STARD8: variants seen among roughly 807,000 people sequenced by gnomAD.
STARD8 encodes stAR-related lipid transfer protein 8.
STARD8 carries 25 observed loss-of-function variants against 69.4 expected under a neutral mutation model. That is an observed-to-expected ratio of 0.36 (90% confidence interval 0.26 to 0.50). STARD8 has a LOEUF of 0.50. STARD8 is among the 20% of genes least tolerant of loss of function. The pLI, the probability that STARD8 is intolerant of heterozygous loss-of-function variation, is 0.96. For synonymous variants in STARD8, 389 were observed against 374.6 expected (o/e 1.04, Z -0.45); for missense variants, 921 against 932.5 (o/e 0.99, Z 0.16).
chrX:68,694,101 C>A (rs1321633127), intron 2 of STARD8, among the ~76,000 whole-genome samples: 1 of 113,031 alleles, frequency 8.8e-6, no homozygotes, highest in Non-Finnish European at 1.9e-5. Context: ...GGCAGCTGTC[C>A]GCCTGTTACC....
rs1236442747 is a variant in STARD8, at chrX:68,652,065, C to A, written c.45+4138C>A. Among the ~76,000 whole-genome samples the A allele has an allele frequency of 7.5e-5, 8 of 106,448 alleles. No individual in the cohort carries two copies. In the East Asian group the frequency reaches 2.1e-3, roughly 27 times the overall value. 92.4% of individuals were successfully genotyped at this position (106,448 alleles called of 115,157 possible). A position where few individuals can be genotyped will look rare whatever the true frequency, so the allele number is the denominator to read the frequency against. On this transcript the variant is annotated intron_variant, in intron 1 of 14. Coordinates refer to ENST00000374599, the MANE Select transcript of STARD8 (RefSeq NM_001142503.3). ...TAGAGACAGGGTTTCACCGTGTTGGCCAGGCTGGTCTCGAGCTCCTAACCC... is the reference window on the plus strand; with the variant it reads ...TAGAGACAGGGTTTCACCGTGTTGGACAGGCTGGTCTCGAGCTCCTAACCC...
intron 2 of STARD8, among the ~76,000 whole-genome samples, chrX:68,683,442 C>G (rs1335336194): frequency 2.7e-5 from 3 of 111,814 alleles, no homozygotes; most frequent in African/African-American, 9.8e-5. Context: ...ATGACAAACA[C>G]TCCATAAACC....
intron 2 of STARD8, among the ~76,000 whole-genome samples, chrX:68,672,501 G>A (rs1398310517): frequency 1.8e-5 from 2 of 111,517 alleles, no homozygotes; most frequent in Admixed American, 9.5e-5. Flanking sequence ...TTCACTACAC[G>A]TACTCCTGAC....
intron 2 of STARD8, among the ~76,000 whole-genome samples, chrX:68,666,789 G>A (rs925680450): frequency 7.1e-5 from 8 of 112,251 alleles, no homozygotes; most frequent in Admixed American, 5.6e-4. Flanking sequence ...ATTCCAAGGC[G>A]TCTTGCTGCG....
Position 68,725,216 on chromosome X carries a change from C to T in STARD8, c.*794C>T, listed in dbSNP as rs1393385595. The T allele has an allele frequency of 9.1e-6, 1 of 110,486 alleles. No individual in the cohort carries two copies. The highest frequency in any genetic ancestry group is 1.9e-5 in the Non-Finnish European group (1 of 52,891). 9.1% of individuals were successfully genotyped at this position (110,486 alleles called of 1,213,427 possible). A position where few individuals can be genotyped will look rare whatever the true frequency, so the allele number is the denominator to read the frequency against. ...CCTTTGGCCACGCACTGACACTGCC[C>T]AGGCCAAGCAAAAGCAGAGTGTGGT... is the stretch of plus-strand genomic sequence containing the variant. On this transcript the variant is annotated 3_prime_UTR_variant, in exon 15 of 15. Transcript: ENST00000374599.
chrX:68,719,715 C>T (rs2080130763), intron 7 of STARD8, among the ~76,000 whole-genome samples: 1 of 112,468 alleles, frequency 8.9e-6, no homozygotes, highest in African/African-American at 3.2e-5. Context: ...CCCACCATGA[C>T]TCCTTCCTGT....
intron 2 of STARD8, chrX:68,693,552 C>G: frequency 1.5e-6 from 1 of 652,644 alleles, no homozygotes; most frequent in Non-Finnish European, 1.8e-6. Context: ...CTGGCGAGTC[C>G]GGTGGGCCAG....
rs763078982 is a variant in STARD8 at position 68,721,651 on chromosome X, C to T, written c.2364C>T (p.Ala788=). 1.8e-5 allele frequency: 22 copies of T among 1,210,719 alleles called. No homozygotes were observed. The highest frequency in any genetic ancestry group is 2.3e-5 in the Non-Finnish European group (21 of 895,320). The change falls in exon 10 of 15, where the codon GCC becomes GCT. Residue 788 remains alanine, a synonymous_variant. Coordinates refer to ENST00000374599, the MANE Select transcript of STARD8 (RefSeq NM_001142503.3). ...LLYFLSDIAS[A]EENQMTAGNL... ...ACTTCTTAAGTGACATTGCCTCTGC[C>T]GAGGAAAACCAGATGACAGCAGGCA...
rs1359803423 is a variant in STARD8 at position 68,718,212 on chromosome X, A to G, written c.1298A>G (p.Glu433Gly). 2 of 1,209,753 alleles carry G rather than the reference A, an allele frequency of 1.7e-6. No homozygotes were observed. Among genetic ancestry groups the G allele is most frequent in the Non-Finnish European group, 2.2e-6 (2 of 895,091 alleles). The change falls in exon 6 of 15, where the codon GAG (glutamate) becomes GGG (glycine). Residue 433 changes from glutamate to glycine, a missense_variant. Glu to Gly is a moderately conservative substitution (Grantham distance 98, BLOSUM62 -2). Transcript: ENST00000374599. ...TCATCAGTAGAAATAGCCACAGTTG[A>G]GGTCAAATGCCAAGCTGAGGCTCTC... The part of the protein sequence containing the change: ...ATSSVEIATV[E>G]VKCQAEALSQ...
intron 2 of STARD8, among the ~76,000 whole-genome samples, chrX:68,683,837 C>G (rs923392721): frequency 1.8e-5 from 2 of 111,807 alleles, no homozygotes; most frequent in African/African-American, 6.5e-5. Context: ...TCAAGTAACT[C>G]TCAAGGGGGT....
Position 68,717,403 on chromosome X carries a change from G to A in STARD8, c.489G>A (p.Val163=). The change falls in exon 6 of 15, where the codon GTG becomes GTA. Residue 163 remains valine (V), a synonymous_variant. Coordinates refer to ENST00000374599, the MANE Select transcript of STARD8 (RefSeq NM_001142503.3). ...CCACCTCTCTGCCAGTCATCACCGT[G>A]AGCCTACCACCCGAGCCAGCAGACT... The part of the protein sequence containing the change: ...LSATSLPVIT[V]SLPPEPADLP... 3.3e-6 allele frequency: 4 copies of A among 1,209,342 alleles called. 1 individual carries two copies. The highest frequency in any genetic ancestry group is 4.4e-5 in the Admixed American group (2 of 45,856).
At chrX:68,684,889 G>A (rs2079822191) in intron 2 of STARD8, among the ~76,000 whole-genome samples, 1 of 112,674 alleles carries the variant, frequency 8.9e-6, no homozygotes. Flanking sequence ...TTCCCCACAT[G>A]AAGAATGCAT....
chrX:68,696,690 T>G (rs2079922495), intron 2 of STARD8, among the ~76,000 whole-genome samples: 1 of 111,392 alleles, frequency 9.0e-6, no homozygotes, highest in Non-Finnish European at 1.9e-5. Flanking sequence ...TTTTTCCACT[T>G]CACTGGATTA....
rs754914170 is a variant in STARD8, at chrX:68,718,172, G to C, written c.1258G>C (p.Glu420Gln). 1 of 1,211,973 alleles carries C rather than the reference G, an allele frequency of 8.3e-7. No individual in the cohort carries two copies. The highest frequency in any genetic ancestry group is 1.8e-5 in the South Asian group (1 of 56,963). ...AGACCTGGGGCCTGGAGATGAGGAA[G>C]AGGAGGAGGCCACTTCATCAGTAGA... ...YPDLGPGDEE[E>Q]EEATSSVEIA... The change falls in exon 6 of 15, where the codon GAG becomes CAG. Residue 420 changes from glutamate (E) to glutamine (Q), a missense_variant. By Grantham distance (29) the Glu-to-Gln change is conservative. Coordinates refer to ENST00000374599, the MANE Select transcript of STARD8 (RefSeq NM_001142503.3).
At chrX:68,710,801 C>G (rs1036056127) in intron 2 of STARD8, among the ~76,000 whole-genome samples, 1 of 112,450 alleles carries the variant, frequency 8.9e-6, no homozygotes, top group Non-Finnish European at 1.9e-5. Flanking sequence ...GCCTGCCTCT[C>G]TGGAAGTCCT....
rs146701955 is a variant in STARD8, at chrX:68,666,506, A to G, written c.79+974A>G. Among the ~76,000 whole-genome samples the G allele has an allele frequency of 3.0e-3, 339 of 112,179 alleles. 3 individuals carry two copies. Among genetic ancestry groups the G allele is most frequent in the African/African-American group, 0.011 (329 of 30,880 alleles). On this transcript the variant is annotated intron_variant, in intron 2 of 14. Transcript: ENST00000374599. ...GACAACCAGAACCCTTACTAATAAG[A>G]ACCTTCCAAAGTAGTTGGAGCTGGT... is the stretch of plus-strand genomic sequence containing the variant.
intron 2 of STARD8, among the ~76,000 whole-genome samples, chrX:68,683,546 G>A (rs2147894817): frequency 8.9e-6 from 1 of 112,085 alleles, no homozygotes; most frequent in East Asian, 2.8e-4. Context: ...GCATATGAAG[G>A]TATTAGACCG....
At chrX:68,684,076 C>T (rs952041580) in intron 2 of STARD8, among the ~76,000 whole-genome samples, 1 of 112,677 alleles carries the variant, frequency 8.9e-6, no homozygotes, top group Non-Finnish European at 1.9e-5. Flanking sequence ...AGCTTGTGCT[C>T]AATCCACATC....
At chrX:68,703,537 T>C (rs1569365837) in intron 2 of STARD8, among the ~76,000 whole-genome samples, 1 of 112,626 alleles carries the variant, frequency 8.9e-6, no homozygotes, top group East Asian at 2.8e-4. Context: ...GGAGGGGTCG[T>C]GTCTGCTCCC....
Sources: allele counts gnomAD v4.1 joint callset (sites outside exome capture counted in the v4.1 genomes callset), GRCh38; gene constraint gnomAD v4.1.1; transcripts MANE v1.5; gene names NCBI Gene and HGNC (gene_info 2026-07-23, HGNC 2026-07-21).